The following CNBD1 variants were observed in gnomAD, a reference collection of about 807,000 sequenced individuals.
CNBD1 encodes cyclic nucleotide-binding domain-containing protein 1.
In CNBD1, 71 loss-of-function variants were observed where a neutral mutation model predicts 54.4. The observed-to-expected ratio is 1.30, with a 90% CI of 1.08 to 1.59. The LOEUF (loss-of-function observed/expected upper bound fraction) is 1.59, where lower values mean the gene tolerates loss of function less well. CNBD1 is among the 40% of genes most tolerant of loss of function. The pLI is 0.00. For synonymous variants in CNBD1, 182 were observed against 170.7 expected, an observed-to-expected ratio of 1.07 and a Z score of -0.51; for missense variants, 659 against 518.0, an observed-to-expected ratio of 1.27 and a Z score of -2.64.
chr8:87,057,893 T>C (rs1057260962), intron 4 of CNBD1, among the ~76,000 whole-genome samples: 1 of 151,882 alleles, frequency 6.6e-6, no homozygotes, highest in Non-Finnish European at 1.5e-5. Flanking sequence ...AATCGTGCCT[T>C]CCCAAAAGTA....
chr8:87,127,370 T>G (rs1343116678), intron 4 of CNBD1, among the ~76,000 whole-genome samples: 1 of 152,178 alleles, frequency 6.6e-6, no homozygotes, highest in Admixed American at 6.5e-5. Flanking sequence ...TTAAGTCTTG[T>G]ACATCTTTTG....
At chr8:86,915,794 G>C (rs1190106568) in intron 3 of CNBD1, among the ~76,000 whole-genome samples, 3 of 152,098 alleles carry the variant, frequency 2.0e-5, no homozygotes, top group African/African-American at 7.2e-5. Context: ...TGTCTATTTT[G>C]CCACTCAGTA....
At chr8:87,349,573 G>C (rs529080945) in intron 8 of CNBD1, among the ~76,000 whole-genome samples, 1 of 152,066 alleles carries the variant, frequency 6.6e-6, no homozygotes, top group African/African-American at 2.4e-5. Context: ...ACGAGGTTTC[G>C]CCATGTTGGC....
At chr8:87,047,755 T>TG (rs765450671) in intron 4 of CNBD1, among the ~76,000 whole-genome samples, 17 of 152,136 alleles carry the variant, frequency 1.1e-4, no homozygotes, top group Admixed American at 2.0e-4. Context: ...GATTTTCCTC[T>TG]GGGGGGGTCT....
intron 1 of CNBD1, among the ~76,000 whole-genome samples, chr8:86,870,189 C>CCTTTTTTTTTTTTTTTTTTTTTTT (rs1554626453): frequency 2.0e-5 from 2 of 100,620 alleles, no homozygotes; most frequent in Non-Finnish European, 1.9e-5. Flanking sequence ...AGATAGTACT[C>CCTTTTTTTTTTTTTTTTTTTTTTT]TTTTTTTTTT....
intron 4 of CNBD1, among the ~76,000 whole-genome samples, chr8:86,958,926 G>A (rs1586162750): frequency 6.6e-6 from 1 of 152,148 alleles, no homozygotes; most frequent in African/African-American, 2.4e-5. Flanking sequence ...ATTAGTTGAT[G>A]CAGTTTGTTC....
intron 6 of CNBD1, among the ~76,000 whole-genome samples, chr8:87,282,000 T>C (rs899270121): frequency 1.3e-5 from 2 of 151,668 alleles, no homozygotes; most frequent in Admixed American, 1.3e-4. Flanking sequence ...TCAATAACTG[T>C]TTTGGTTATT....
chr8:87,131,724 C>G (rs1461240399), intron 4 of CNBD1, among the ~76,000 whole-genome samples: 1 of 151,928 alleles, frequency 6.6e-6, no homozygotes, highest in African/African-American at 2.4e-5. Context: ...AACACACATA[C>G]ACACAATAAT....
At chr8:87,149,350 A>AT (rs1027195557) in intron 4 of CNBD1, among the ~76,000 whole-genome samples, 2 of 152,038 alleles carry the variant, frequency 1.3e-5, no homozygotes, top group African/African-American at 2.4e-5. Context: ...GCATTATGAC[A>AT]TTTTTTTCGA....
intron 2 of CNBD1, among the ~76,000 whole-genome samples, chr8:86,891,931 T>C (rs756603541): frequency 6.6e-6 from 1 of 152,082 alleles, no homozygotes; most frequent in Non-Finnish European, 1.5e-5. Context: ...GCAACTTTAC[T>C]GAATTTATTT....
chr8:87,045,717 TCCGTC>T, intron 4 of CNBD1, among the ~76,000 whole-genome samples: 1 of 101,736 alleles, frequency 9.8e-6, no homozygotes, highest in Admixed American at 1.3e-4. Flanking sequence ...AGAGCAAGAC[TCCGTC>T]TCAAAAAAAA....
chr8:87,397,137 CTT>C (rs1319113691), intron 2 of CNBD1, among the ~76,000 whole-genome samples: 2 of 151,716 alleles, frequency 1.3e-5, no homozygotes, highest in African/African-American at 4.8e-5. Flanking sequence ...TAGAGCCACT[CTT>C]GCCTTATTTT....
chr8:87,060,316 A>G (rs1375136014), intron 4 of CNBD1, among the ~76,000 whole-genome samples: 2 of 152,238 alleles, frequency 1.3e-5, no homozygotes, highest in South Asian at 4.1e-4. Context: ...TTATGCAGCA[A>G]TAGAAAAAGA....
chr8:87,218,540 C>A (rs1409556856), intron 5 of CNBD1, among the ~76,000 whole-genome samples: 1 of 151,896 alleles, frequency 6.6e-6, no homozygotes, highest in African/African-American at 2.4e-5. Context: ...CTATTAATTA[C>A]TTTTGTGAAA....
chr8:87,137,677 T>C (rs918846623), intron 4 of CNBD1, among the ~76,000 whole-genome samples: 3 of 152,092 alleles, frequency 2.0e-5, no homozygotes, highest in African/African-American at 7.2e-5. Context: ...CAGTGGTTAT[T>C]GATTTATTGA....
intron 6 of CNBD1, among the ~76,000 whole-genome samples, chr8:87,263,575 T>A (rs1808187558): frequency 6.6e-6 from 1 of 152,178 alleles, no homozygotes; most frequent in Non-Finnish European, 1.5e-5. Flanking sequence ...TACATTATAT[T>A]CACATAGAAT....
In CNBD1 at chr8:87,199,907, T is replaced by G. The variant is rs62527347; in HGVS notation, c.432-6086T>G. On this transcript the variant is annotated intron_variant, in intron 4 of 10. Transcript: ENST00000518476. ...TGACCAAGATGAAAACTAGTGGCTCTCAGATGCTGTTAACTTTGGAGAGAC... is the reference window on the plus strand; with the variant it reads ...TGACCAAGATGAAAACTAGTGGCTCGCAGATGCTGTTAACTTTGGAGAGAC... Among the ~76,000 whole-genome samples the G allele has an allele frequency of 2.8e-3, 428 of 152,296 alleles. 2 individuals are homozygous for G. Among genetic ancestry groups the G allele is most frequent in the Non-Finnish European group, 4.8e-3 (327 of 68,010 alleles).
At chr8:86,947,638 G>T (rs2130440368) in intron 4 of CNBD1, among the ~76,000 whole-genome samples, 1 of 151,804 alleles carries the variant, frequency 6.6e-6, no homozygotes, top group East Asian at 1.9e-4. Context: ...ATTTTTGTGG[G>T]TACATAGTAG....
chr8:87,265,442 C>G (rs1266365699), intron 6 of CNBD1, among the ~76,000 whole-genome samples: 1 of 152,016 alleles, frequency 6.6e-6, no homozygotes, highest in Non-Finnish European at 1.5e-5. Flanking sequence ...CGTGATGCCT[C>G]CAGCTTTGTT....
Sources: gnomAD v4.1 joint callset for allele counts (sites outside exome capture counted in the v4.1 genomes callset) on GRCh38, gnomAD v4.1.1 for gene constraint, MANE v1.5 for transcripts, NCBI Gene and HGNC (gene_info 2026-07-23, HGNC 2026-07-21) for gene names.